Variants in AP1G1 observed in about 807,000 individuals in gnomAD.
The protein encoded by AP1G1 is adaptor related protein complex 1 subunit gamma 1.
In AP1G1, 7 loss-of-function variants were observed where a neutral mutation model predicts 108.3. The ratio of observed to expected loss-of-function variants is 0.06; its 90% CI spans 0.04 to 0.12. The LOEUF is 0.12. AP1G1 is among the 10% of genes least tolerant of loss of function. The probability of loss-of-function intolerance (pLI) is 1.00; values close to 1 mark genes in which losing one functional copy is unlikely to be tolerated. For synonymous variants in AP1G1, 379 were observed against 353.5 expected, an observed-to-expected ratio of 1.07 and a Z score of -0.81; for missense variants, 756 against 1,010.7, an observed-to-expected ratio of 0.75 and a Z score of 3.42.
At chr16:71,797,431 AG>A (rs1162306655) in intron 1 of AP1G1, among the ~76,000 whole-genome samples, 1 of 152,282 alleles carries the variant, frequency 6.6e-6, no homozygotes, top group African/African-American at 2.4e-5. Flanking sequence ...TTTCAAACCT[AG>A]TAAGGTGTCA....
rs111762299 is a variant in AP1G1, at chr16:71,786,467, A to AT, written c.201+2811dup. On this transcript the variant is annotated intron_variant, in intron 2 of 22. Transcript: ENST00000299980. ...GTGGCAGAAATCCAACTCAACAAAAATTTTTTTTTTTTGAGAAAGAGTCTC... is the reference window on the plus strand; with the variant it reads ...GTGGCAGAAATCCAACTCAACAAAAATTTTTTTTTTTTTGAGAAAGAGTCTC... 4.8e-3 allele frequency among the ~76,000 whole-genome samples: 704 copies of AT among 147,164 alleles called. 8 individuals carry two copies. The highest frequency in any genetic ancestry group is 0.042 in the South Asian group (195 of 4,646).
At chr16:71,746,754 T>A (rs911179768) in intron 16 of AP1G1, 62 bp from the exon 17 acceptor site, 4 of 1,255,104 alleles carry the variant, frequency 3.2e-6, no homozygotes, top group Non-Finnish European at 4.6e-6. Context: ...TAAGCAGAGA[T>A]AATGTTTAAT....
intron 17 of AP1G1, among the ~76,000 whole-genome samples, chr16:71,745,867 G>C (rs1178769474): frequency 6.6e-6 from 1 of 152,144 alleles, no homozygotes; most frequent in East Asian, 1.9e-4. Context: ...GTGGTAGAGA[G>C]ACTGAGATGA....
chr16:71,736,115 AAAATATATATAT>A (rs1166713559), intron 21 of AP1G1, among the ~76,000 whole-genome samples: 2 of 73,544 alleles, frequency 2.7e-5, no homozygotes, highest in South Asian at 7.8e-4. Flanking sequence ...AAAAAAAAAA[AAAATATATATAT>A]ATATATATAT....
At chr16:71,801,558 T>C (rs927247633) in intron 1 of AP1G1, among the ~76,000 whole-genome samples, 2 of 152,068 alleles carry the variant, frequency 1.3e-5, no homozygotes, top group African/African-American at 4.8e-5. Flanking sequence ...CACTATAGGG[T>C]AAACATCCCT....
At chr16:71,775,408 A>T (rs920128871) in intron 2 of AP1G1, among the ~76,000 whole-genome samples, 1 of 152,192 alleles carries the variant, frequency 6.6e-6, no homozygotes. Context: ...TCTAGAACAG[A>T]TCATTTTATC....
At chr16:71,802,142 A>C (rs2032824020) in intron 1 of AP1G1, among the ~76,000 whole-genome samples, 1 of 152,216 alleles carries the variant, frequency 6.6e-6, no homozygotes, top group Non-Finnish European at 1.5e-5. Context: ...ACAGTTGTAC[A>C]ACTCAAAGTA....
At chr16:71,800,936 G>C (rs529660369) in intron 1 of AP1G1, among the ~76,000 whole-genome samples, 2 of 150,016 alleles carry the variant, frequency 1.3e-5, no homozygotes, top group African/African-American at 4.9e-5. Context: ...CGGAGGTTGC[G>C]GTGAGCTGAG....
chr16:71,772,575 T>G (rs1256318943), intron 4 of AP1G1, among the ~76,000 whole-genome samples: 2 of 152,204 alleles, frequency 1.3e-5, no homozygotes, highest in South Asian at 4.1e-4. Flanking sequence ...CATCATTAAC[T>G]GCATATCATC....
intron 5 of AP1G1, among the ~76,000 whole-genome samples, chr16:71,770,811 T>C (rs569473697): frequency 2.0e-5 from 3 of 152,384 alleles, no homozygotes; most frequent in African/African-American, 7.2e-5. Context: ...TGGAATTTTT[T>C]CTTTTATTGT....
chr16:71,786,754 C>G (rs2032218593), intron 2 of AP1G1, among the ~76,000 whole-genome samples: 1 of 152,104 alleles, frequency 6.6e-6, no homozygotes. Flanking sequence ...CCACCGCACC[C>G]AGCCCAAATT....
chr16:71,756,099 T>C lies in AP1G1; in HGVS notation c.1149A>G (p.Lys383=), dbSNP rs1358425534. 4 of 1,613,778 alleles carry C rather than the reference T, an allele frequency of 2.5e-6. No homozygotes were observed. The highest frequency in any genetic ancestry group is 1.7e-6 in the Non-Finnish European group (2 of 1,179,826). ...ACGAATCCAGAAAATAAAGTAATTC[T>C]TTCATCATGCCTCGGATATTATTCC... is the stretch of plus-strand genomic sequence containing the variant. The part of the protein sequence containing the change: ...VNGNNIRGMM[K]ELLYFLDSCE... The change falls in exon 12 of 23, where the codon AAA becomes AAG. Residue 383 remains lysine (K), a synonymous_variant. Coordinates refer to ENST00000299980, the MANE Select transcript of AP1G1 (RefSeq NM_001128.6).
At chr16:71,803,653 C>A (rs1303338141) in intron 1 of AP1G1, among the ~76,000 whole-genome samples, 1 of 152,018 alleles carries the variant, frequency 6.6e-6, no homozygotes. Context: ...AAAAATGACA[C>A]CTCATTCATG....
intron 1 of AP1G1, among the ~76,000 whole-genome samples, chr16:71,804,022 C>G (rs2032907324): frequency 6.6e-6 from 1 of 151,170 alleles, no homozygotes; most frequent in East Asian, 1.9e-4. Context: ...AAAAATGCTA[C>G]TACATTTTGA....
intron 10 of AP1G1, 125 bp downstream of exon 10, chr16:71,761,387 C>A: frequency 1.4e-6 from 1 of 739,678 alleles, no homozygotes. Context: ...ACCAGAAAAA[C>A]ATAAAAATTC....
intron 1 of AP1G1, among the ~76,000 whole-genome samples, chr16:71,800,577 A>G (rs565767800): frequency 6.0e-5 from 9 of 151,124 alleles, no homozygotes; most frequent in Admixed American, 5.9e-4. Context: ...CAAGGTGGGC[A>G]GATCACGAGG....
At chr16:71,808,538 G>A (rs966948155) in intron 1 of AP1G1, 9 of 1,284,270 alleles carry the variant, frequency 7.0e-6, no homozygotes, top group Non-Finnish European at 8.1e-6. Flanking sequence ...GAACGCCGCG[G>A]CGCGCGGAAC....
intron 2 of AP1G1, among the ~76,000 whole-genome samples, chr16:71,780,156 G>A (rs1376235409): frequency 6.6e-6 from 1 of 151,624 alleles, no homozygotes; most frequent in East Asian, 1.9e-4. Flanking sequence ...ACTATATCCG[G>A]CTAATTTTTG....
intron 1 of AP1G1, among the ~76,000 whole-genome samples, chr16:71,794,270 A>G (rs534635149): frequency 6.6e-6 from 1 of 152,312 alleles, no homozygotes; most frequent in East Asian, 1.9e-4. Context: ...CCATTTACAT[A>G]TAACCACTTA....
Sources: gnomAD v4.1 joint callset for allele counts (sites outside exome capture counted in the v4.1 genomes callset) on GRCh38, gnomAD v4.1.1 for gene constraint, MANE v1.5 for transcripts, NCBI Gene and HGNC (gene_info 2026-07-23, HGNC 2026-07-21) for gene names.